Variants in DYRK1A observed in about 807,000 individuals in gnomAD.
DYRK1A encodes dual specificity tyrosine phosphorylation regulated kinase 1A, also known as dual specificity tyrosine-phosphorylation-regulated kinase 1A.
DYRK1A carries 9 observed loss-of-function variants against 79.7 expected under a neutral mutation model. The observed-to-expected ratio is 0.11, with a 90% CI of 0.07 to 0.20. The LOEUF (loss-of-function observed/expected upper bound fraction) is 0.20, where lower values mean the gene tolerates loss of function less well. Among genes scored for constraint, DYRK1A ranks in the 10% least tolerant of loss-of-function variants. The probability of loss-of-function intolerance (pLI) is 1.00; values close to 1 mark genes in which losing one functional copy is unlikely to be tolerated. For missense variants in DYRK1A, 622 were observed against 956.0 expected (o/e 0.65, Z 4.61); for synonymous variants, 349 against 329.7 (o/e 1.06, Z -0.63).
chr21:37,470,481 T>C (rs2148550814), intron 2 of DYRK1A, among the ~76,000 whole-genome samples: 1 of 152,336 alleles, frequency 6.6e-6, no homozygotes, highest in South Asian at 2.1e-4. Flanking sequence ...CTGTTGGTGG[T>C]ATCTCATTTA....
chr21:37,402,405 GTCTT>G (rs1400127002), intron 1 of DYRK1A, among the ~76,000 whole-genome samples: 2 of 152,044 alleles, frequency 1.3e-5, no homozygotes, highest in African/African-American at 4.8e-5. Flanking sequence ...GATACTTTTT[GTCTT>G]TTAGCACTTT....
At chr21:37,391,441 A>AT (rs1243592843) in intron 1 of DYRK1A, among the ~76,000 whole-genome samples, 1 of 152,118 alleles carries the variant, frequency 6.6e-6, no homozygotes, top group Non-Finnish European at 1.5e-5. Flanking sequence ...TTGTTTTATT[A>AT]TTTTTTAACT....
intron 2 of DYRK1A, among the ~76,000 whole-genome samples, chr21:37,453,341 T>G (rs1446295397): frequency 1.3e-5 from 2 of 152,216 alleles, no homozygotes; most frequent in Non-Finnish European, 2.9e-5. Context: ...GTTGACTGCA[T>G]TGGACGGTGC....
chr21:37,441,622 ATCACT>A (rs1208037272), intron 2 of DYRK1A, among the ~76,000 whole-genome samples: 1 of 152,102 alleles, frequency 6.6e-6, no homozygotes, highest in Non-Finnish European at 1.5e-5. Context: ...AGGATATTAG[ATCACT>A]TCACGTATAG....
intron 1 of DYRK1A, among the ~76,000 whole-genome samples, chr21:37,382,663 C>T (rs2049680997): frequency 6.6e-6 from 1 of 152,110 alleles, no homozygotes; most frequent in South Asian, 2.1e-4. Flanking sequence ...AAGCAAGCTA[C>T]TATTTAGTAA....
chr21:37,454,849 T>C (rs1490390081), intron 2 of DYRK1A, among the ~76,000 whole-genome samples: 1 of 152,178 alleles, frequency 6.6e-6, no homozygotes, highest in African/African-American at 2.4e-5. Flanking sequence ...GAGTAGGCTT[T>C]CCACTATATT....
At chr21:37,463,562 C>G (rs2051923915) in intron 2 of DYRK1A, among the ~76,000 whole-genome samples, 1 of 152,192 alleles carries the variant, frequency 6.6e-6, no homozygotes. Flanking sequence ...TCCCCTCCCT[C>G]CCTCTCTCAA....
intron 4 of DYRK1A, 97 bp from the exon 5 acceptor site, chr21:37,480,541 C>A: frequency 1.1e-6 from 1 of 929,016 alleles, no homozygotes; most frequent in Non-Finnish European, 1.6e-6. Context: ...ACTCAAATGT[C>A]AACTGTAGAA....
At chr21:37,479,741 C>T (rs556420039) in intron 4 of DYRK1A, among the ~76,000 whole-genome samples, 91 of 150,716 alleles carry the variant, frequency 6.0e-4, no homozygotes, top group African/African-American at 1.8e-3. Flanking sequence ...CTTTCTCCTG[C>T]CTCAGCCTCC....
At chr21:37,380,036 A>G (rs73216409) in intron 1 of DYRK1A, among the ~76,000 whole-genome samples, 11,493 of 152,292 alleles carry the variant, frequency 0.075, 649 homozygotes, top group Non-Finnish European at 0.11. Flanking sequence ...AATTTTCCTT[A>G]AAGCGAACAT....
At chr21:37,412,538 A>G (rs79000982) in intron 1 of DYRK1A, among the ~76,000 whole-genome samples, 7,506 of 152,200 alleles carry the variant, frequency 0.049, 298 homozygotes, top group Non-Finnish European at 0.068. Flanking sequence ...CCTGCCCTAG[A>G]GTTTATGACA....
Position 37,513,939 on chromosome 21 carries a change from A to G in DYRK1A, c.*1408A>G, listed in dbSNP as rs915517846. On this transcript the variant is annotated 3_prime_UTR_variant, in exon 12 of 12. Transcript: ENST00000647188. ...GTCAGTTGAAAATTATGGCTGTACT[A>G]TTGCTTAAACAAAACTGGAACTGTT... 1 of 152,666 alleles carries G rather than the reference A, an allele frequency of 6.6e-6. No homozygotes were observed. Among genetic ancestry groups the G allele is most frequent in the African/African-American group, 2.4e-5 (1 of 41,468 alleles). 9.5% of individuals were successfully genotyped at this position (152,666 alleles called of 1,614,324 possible).
chr21:37,484,064 G>T (rs112617838), intron 5 of DYRK1A, among the ~76,000 whole-genome samples: 2 of 152,144 alleles, frequency 1.3e-5, no homozygotes, highest in Non-Finnish European at 2.9e-5. Flanking sequence ...CCTGAGCTCC[G>T]CCCCGTCAGA....
At chr21:37,399,908 C>G (rs2050023281) in intron 1 of DYRK1A, among the ~76,000 whole-genome samples, 1 of 152,142 alleles carries the variant, frequency 6.6e-6, no homozygotes. Flanking sequence ...ATTTGGAAAA[C>G]TTTTTTTAAC....
At chr21:37,393,201 T>C (rs1475176968) in intron 1 of DYRK1A, among the ~76,000 whole-genome samples, 3 of 151,912 alleles carry the variant, frequency 2.0e-5, no homozygotes, top group Non-Finnish European at 4.4e-5. Flanking sequence ...TGATGTGTAG[T>C]CTCAGTAAGT....
chr21:37,377,019 AGG>A (rs2148362909), intron 1 of DYRK1A, among the ~76,000 whole-genome samples: 1 of 152,290 alleles, frequency 6.6e-6, no homozygotes, highest in African/African-American at 2.4e-5. Flanking sequence ...GTGCATAGAC[AGG>A]TGTGTGTGTG....
At position 37,512,496 on chromosome 21, in the gene DYRK1A, G is replaced by GT; in HGVS notation, c.2233dup (p.Cys745LeufsTer9). On this transcript the variant is annotated frameshift_variant, in exon 12 of 12. Transcript: ENST00000647188. LOFTEE classifies it high-confidence loss of function. ...TAGAGAAGAGTCCCCCATGACAGGAGTTTGTGTGCAACAGAGTCCTGTAGC... is the reference window on the plus strand; with the variant it reads ...TAGAGAAGAGTCCCCCATGACAGGAGTTTTGTGTGCAACAGAGTCCTGTAGC... 4 of 1,614,200 alleles carry GT rather than the reference G, an allele frequency of 2.5e-6. No individual in the cohort carries two copies. The highest frequency in any genetic ancestry group is 2.5e-6 in the Non-Finnish European group (3 of 1,180,018).
chr21:37,494,897 G>C (rs541020851), intron 8 of DYRK1A, among the ~76,000 whole-genome samples: 1 of 150,758 alleles, frequency 6.6e-6, no homozygotes, highest in Admixed American at 6.6e-5. Flanking sequence ...GCAGTGAGCC[G>C]AGATCACGCC....
intron 5 of DYRK1A, among the ~76,000 whole-genome samples, chr21:37,485,765 G>A (rs886086377): frequency 2.6e-5 from 4 of 151,974 alleles, no homozygotes; most frequent in African/African-American, 9.7e-5. Flanking sequence ...TATGAACCTC[G>A]TTTTAAATGA....
Sources: gnomAD v4.1 joint callset for allele counts (sites outside exome capture counted in the v4.1 genomes callset) on GRCh38, gnomAD v4.1.1 for gene constraint, MANE v1.5 for transcripts, NCBI Gene and HGNC (gene_info 2026-07-23, HGNC 2026-07-21) for gene names.